Variants in CCSER1 observed in about 807,000 individuals in gnomAD.
CCSER1 encodes the protein serine-rich coiled-coil domain-containing protein 1.
CCSER1 carries 41 observed loss-of-function variants against 82.0 expected under a neutral mutation model. The observed-to-expected ratio is 0.50, with a 90% CI of 0.39 to 0.65. The LOEUF (loss-of-function observed/expected upper bound fraction) is 0.65. Among genes scored for constraint, CCSER1 ranks in the 30% least tolerant of loss-of-function variants. CCSER1 has a pLI of 0.00. For synonymous variants in CCSER1, 414 were observed against 383.9 expected (o/e 1.08, Z -0.92); for missense variants, 1,119 against 1,064.2 (o/e 1.05, Z -0.72).
intron 1 of CCSER1, among the ~76,000 whole-genome samples, chr4:90,259,580 T>C (rs1023083544): frequency 3.1e-4 from 47 of 151,968 alleles, no homozygotes; most frequent in African/African-American, 1.1e-3. Flanking sequence ...TTAGCTAAGA[T>C]GTTAGCTGTG....
chr4:91,427,643 A>G (rs765498414), intron 10 of CCSER1, among the ~76,000 whole-genome samples: 3 of 152,144 alleles, frequency 2.0e-5, no homozygotes, highest in Admixed American at 6.5e-5. Flanking sequence ...AAAATAATCT[A>G]TTTTACAGAA....
At chr4:90,468,181 G>A in intron 4 of CCSER1, 53 bp from the exon 5 acceptor site, 1 of 1,516,444 alleles carries the variant, frequency 6.6e-7, no homozygotes. Context: ...GGAGATGTGA[G>A]ACTAGTTCAT....
intron 10 of CCSER1, among the ~76,000 whole-genome samples, chr4:91,421,908 G>T (rs1753703234): frequency 6.6e-6 from 1 of 152,040 alleles, no homozygotes; most frequent in African/African-American, 2.4e-5. Flanking sequence ...TATTTCAGCT[G>T]CCTTTGAAGA....
intron 10 of CCSER1, among the ~76,000 whole-genome samples, chr4:91,469,334 T>TA (rs898718429): frequency 6.6e-6 from 1 of 152,192 alleles, no homozygotes; most frequent in Non-Finnish European, 1.5e-5. Context: ...ACATAGTTTT[T>TA]AAAAAAGTTC....
chr4:91,399,219 A>T (rs538137241), intron 10 of CCSER1, among the ~76,000 whole-genome samples: 1 of 151,970 alleles, frequency 6.6e-6, no homozygotes, highest in African/African-American at 2.4e-5. Context: ...AAGACATGAT[A>T]ATTAACTTAC....
At chr4:91,584,461 A>T (rs915019947) in intron 10 of CCSER1, among the ~76,000 whole-genome samples, 2 of 151,474 alleles carry the variant, frequency 1.3e-5, no homozygotes, top group Admixed American at 6.6e-5. Context: ...CCAGTAAAAA[A>T]CACCCTGATG....
chr4:91,180,532 G>A (rs909957500), intron 10 of CCSER1, among the ~76,000 whole-genome samples: 3 of 152,226 alleles, frequency 2.0e-5, no homozygotes, highest in African/African-American at 7.2e-5. Flanking sequence ...CCCCAGCCTG[G>A]CTGCTGCCTT....
chr4:90,902,396 C>G (rs1170846888), intron 8 of CCSER1, among the ~76,000 whole-genome samples: 1 of 151,960 alleles, frequency 6.6e-6, no homozygotes, highest in Non-Finnish European at 1.5e-5. Flanking sequence ...TGTGCTGATT[C>G]CTTCTCATCT....
chr4:90,579,621 A>G lies in CCSER1; in HGVS notation c.1725-48404A>G, dbSNP rs1469658796. Among the ~76,000 whole-genome samples the G allele has an allele frequency of 3.3e-5, 5 of 152,180 alleles. No individual in the cohort carries two copies. The East Asian group carries it at 9.6e-4, about 29-fold the overall frequency. ...ACTCATGGACTGTAGCTATTTTCAA[A>G]AGCAATATAATCACTAGATGGTGTA... is the stretch of plus-strand genomic sequence containing the variant. On this transcript the variant is annotated intron_variant, in intron 5 of 10. Transcript: ENST00000509176.
At chr4:90,331,907 A>G (rs567991231) in intron 3 of CCSER1, among the ~76,000 whole-genome samples, 2 of 152,120 alleles carry the variant, frequency 1.3e-5, no homozygotes, top group Non-Finnish European at 2.9e-5. Context: ...ACAAAACAGA[A>G]CTTGTAGGAA....
At chr4:91,371,831 CCT>C (rs56119714) in intron 10 of CCSER1, among the ~76,000 whole-genome samples, 129,362 of 152,004 alleles carry the variant, frequency 0.85, 55,397 homozygotes, top group African/African-American at 0.96. Flanking sequence ...CACCGTAGGA[CCT>C]AGGTGATGAG....
At chr4:90,847,709 G>T (rs1763385850) in intron 8 of CCSER1, among the ~76,000 whole-genome samples, 1 of 152,070 alleles carries the variant, frequency 6.6e-6, no homozygotes, top group Non-Finnish European at 1.5e-5. Context: ...AAATAATCCA[G>T]AAAACAATAT....
At chr4:90,619,645 A>G (rs913429837) in intron 5 of CCSER1, among the ~76,000 whole-genome samples, 3 of 152,058 alleles carry the variant, frequency 2.0e-5, no homozygotes. Context: ...AAGAAACCCA[A>G]TGTATTATTA....
At chr4:90,551,706 C>CTCTCTCTCTCTCTCTCTATATATATATA in intron 5 of CCSER1, among the ~76,000 whole-genome samples, 3 of 104,224 alleles carry the variant, frequency 2.9e-5, no homozygotes, top group African/African-American at 1.4e-4. Flanking sequence ...CTCTCTCTCT[C>CTCTCTCTCTCTCTCTCTATATATATATA]TATATATATA....
chr4:90,544,752 C>T (rs1332030600), intron 5 of CCSER1, among the ~76,000 whole-genome samples: 2 of 151,980 alleles, frequency 1.3e-5, no homozygotes, highest in African/African-American at 4.8e-5. Flanking sequence ...GTCCCTCAGG[C>T]AAGCAAAGGC....
intron 8 of CCSER1, among the ~76,000 whole-genome samples, chr4:90,900,520 T>G (rs1724476670): frequency 6.6e-6 from 1 of 152,006 alleles, no homozygotes. Flanking sequence ...TGTTTCAACT[T>G]TTTAAATTTC....
chr4:91,417,356 A>T (rs951281498), intron 10 of CCSER1, among the ~76,000 whole-genome samples: 2 of 152,148 alleles, frequency 1.3e-5, no homozygotes, highest in Non-Finnish European at 2.9e-5. Context: ...TAGCCAAAGG[A>T]ATATAAATCA....
At chr4:90,161,263 T>C (rs979018989) in intron 1 of CCSER1, among the ~76,000 whole-genome samples, 1 of 152,188 alleles carries the variant, frequency 6.6e-6, no homozygotes, top group Non-Finnish European at 1.5e-5. Context: ...TAAGAACAGA[T>C]TGTGTAGTCA....
intron 10 of CCSER1, among the ~76,000 whole-genome samples, chr4:91,442,563 C>G (rs1434298159): frequency 1.5e-5 from 2 of 136,584 alleles, no homozygotes; most frequent in East Asian, 2.1e-4. Context: ...TAGGCATGGG[C>G]AAGGACTTCA....
Sources: gnomAD v4.1 joint callset for allele counts (sites outside exome capture counted in the v4.1 genomes callset) on GRCh38, gnomAD v4.1.1 for gene constraint, MANE v1.5 for transcripts, NCBI Gene and HGNC (gene_info 2026-07-23, HGNC 2026-07-21) for gene names.